The following RAB11FIP5 variants were observed in gnomAD, a reference collection of about 807,000 sequenced individuals.
RAB11FIP5 encodes RAB11 family interacting protein 5.
A neutral mutation model predicts 85.1 loss-of-function variants in RAB11FIP5; 48 were observed. The ratio of observed to expected loss-of-function variants is 0.56; its 90% CI spans 0.45 to 0.72. The LOEUF (loss-of-function observed/expected upper bound fraction) is 0.72. RAB11FIP5 is among the 30% of genes least tolerant of loss of function. The probability of loss-of-function intolerance (pLI) is 0.00; values close to 1 mark genes in which losing one functional copy is unlikely to be tolerated. For missense variants in RAB11FIP5, 1,491 were observed against 1,687.0 expected (o/e 0.88, Z 2.04); for synonymous variants, 729 against 727.3 (o/e 1.00, Z -0.04).
chr2:73,100,245 G>A (rs146349304), intron 1 of RAB11FIP5, among the ~76,000 whole-genome samples: 111 of 152,164 alleles, frequency 7.3e-4, no homozygotes, highest in African/African-American at 2.4e-3. Flanking sequence ...TCCCTGCCCC[G>A]GATTTCTACC....
rs769807643 is a variant in RAB11FIP5 at position 73,112,588 on chromosome 2, G to C, written c.190C>G (p.His64Asp). 6.3e-7 allele frequency: 1 copy of C among 1,598,320 alleles called. No homozygotes were observed. The highest frequency in any genetic ancestry group is 8.5e-7 in the Non-Finnish European group (1 of 1,174,154). ...TCCTCACGCCACTCGGGGCAGCCGTGCGTCTTCTCCACCACCGACGTACTG... is the reference window on the plus strand; with the variant it reads ...TCCTCACGCCACTCGGGGCAGCCGTCCGTCTTCTCCACCACCGACGTACTG... ...KYSTSVVEKTHGCPEWREECS... is the reference protein window; with the variant it reads ...KYSTSVVEKTDGCPEWREECS... Residue 64 changes from histidine to aspartate, a missense_variant, in exon 1 of 6, where the codon CAC (histidine) becomes GAC (aspartate). By Grantham distance (81) the His-to-Asp change is moderately conservative. This residue lies in a region of RAB11FIP5 where 1,211 missense variants were observed against 1,338.0 expected (regional missense o/e 0.91). Coordinates refer to ENST00000486777, the MANE Select transcript of RAB11FIP5 (RefSeq NM_001371272.1).
At chr2:73,097,617 C>G (rs1684347195) in intron 1 of RAB11FIP5, among the ~76,000 whole-genome samples, 1 of 152,216 alleles carries the variant, frequency 6.6e-6, no homozygotes, top group Admixed American at 6.5e-5. Flanking sequence ...TCTACTGCTA[C>G]AAACCCATGG....
rs1446255718 is a variant in RAB11FIP5, at chr2:73,075,256, C to T, written c.*265G>A. 1 of 691,098 alleles carries T rather than the reference C, an allele frequency of 1.4e-6. No individual in the cohort carries two copies. Among genetic ancestry groups the T allele is most frequent in the East Asian group, 2.8e-5 (1 of 36,266 alleles). The allele number at this position is 691,098 out of a possible 1,614,324, so 42.8% of individuals were successfully genotyped here. ...GGGGAAGAGTTCCAATTCCCTGGGG[C>T]CCCCAAAGCTGAGGGATATGAAAAC... is the stretch of plus-strand genomic sequence containing the variant. On this transcript the variant is annotated 3_prime_UTR_variant, in exon 6 of 6. Coordinates refer to ENST00000486777, the MANE Select transcript of RAB11FIP5 (RefSeq NM_001371272.1). The surrounding 1 kb of genome is among the most constrained non-coding windows in gnomAD (Gnocchi z 4.6).
At chr2:73,093,690 G>A (rs1300830977) in intron 1 of RAB11FIP5, among the ~76,000 whole-genome samples, 1 of 152,208 alleles carries the variant, frequency 6.6e-6, no homozygotes, top group African/African-American at 2.4e-5. Flanking sequence ...GCTAAGGCAC[G>A]CCAAGCCTGG....
rs1684173646 is a variant in RAB11FIP5, at chr2:73,089,817, A to C, written c.432-502T>G. 6.6e-6 allele frequency among the ~76,000 whole-genome samples: 1 copy of C among 151,912 alleles called. No homozygotes were observed. Among genetic ancestry groups the C allele is most frequent in the Non-Finnish European group, 1.5e-5 (1 of 67,984 alleles). Reference sequence around the variant, plus strand: ...CCCAGCCACCGTGAGCCCAGGAAAGAACAGCTCACCCAGAGGCCCAGGGCC... The same window carrying C: ...CCCAGCCACCGTGAGCCCAGGAAAGCACAGCTCACCCAGAGGCCCAGGGCC... On this transcript the variant is annotated intron_variant, in intron 1 of 5. Coordinates refer to ENST00000486777, the MANE Select transcript of RAB11FIP5 (RefSeq NM_001371272.1). This position sits in a 1 kb window ranked among gnomAD's most constrained non-coding sequence, Gnocchi z 4.6.
chr2:73,080,178 G>C lies in RAB11FIP5; in HGVS notation c.3054C>G (p.Ile1018Met), dbSNP rs920730654. The change falls in exon 4 of 6, where the codon ATC (isoleucine) becomes ATG (methionine). Residue 1018 changes from isoleucine (I) to methionine (M), a missense_variant. Physicochemically the swap from Ile to Met is conservative, Grantham distance 10. Transcript: ENST00000486777. Reference protein sequence around the residue: ...SKSLALQSQHIWGTPEVGEGP... With the variant: ...SKSLALQSQHMWGTPEVGEGP... The stretch of plus-strand genomic sequence containing the variant: ...CTTCTCCAACCTCTGGAGTCCCCCA[G>C]ATGTGCTGACTCTGAAGAGCCAAGC... 2.8e-5 allele frequency: 35 copies of C among 1,232,144 alleles called. No homozygotes were observed. Among genetic ancestry groups the C allele is most frequent in the South Asian group, 4.1e-5 (1 of 24,322 alleles). 76.3% of individuals were successfully genotyped at this position (1,232,144 alleles called of 1,614,324 possible).
chr2:73,077,863 T>C (rs1046147391), intron 4 of RAB11FIP5, among the ~76,000 whole-genome samples: 1 of 152,340 alleles, frequency 6.6e-6, no homozygotes. Context: ...TACAAATCTA[T>C]GCTTACTTCA....
In RAB11FIP5 at chr2:73,076,165, G is replaced by A. The variant is rs765068010; in HGVS notation, c.3599C>T (p.Pro1200Leu). Residue 1200 changes from proline to leucine, a missense_variant, in exon 5 of 6, where the codon CCC becomes CTC. By Grantham distance (98) the Pro-to-Leu change is moderately conservative. Around this residue, in one of 3 missense-constraint regions of RAB11FIP5, gnomAD observed 232 missense variants for 259.1 expected, o/e 0.90. Coordinates refer to ENST00000486777, the MANE Select transcript of RAB11FIP5 (RefSeq NM_001371272.1). Reference protein sequence around the residue: ...QPSASPHPVKPLSAAPVEGSP... With the variant: ...QPSASPHPVKLLSAAPVEGSP... The stretch of plus-strand genomic sequence containing the variant: ...GCCCTCCACAGGGGCGGCACTGAGG[G>A]GCTTCACGGGGTGGGGACTGCAAAG... 6.2e-7 allele frequency: 1 copy of A among 1,610,236 alleles called. No individual in the cohort carries two copies. Among genetic ancestry groups the A allele is most frequent in the Non-Finnish European group, 8.5e-7 (1 of 1,177,130 alleles).
Position 73,097,225 on chromosome 2 carries a change from C to T in RAB11FIP5, c.432-7910G>A, listed in dbSNP as rs145589655. On this transcript the variant is annotated intron_variant, in intron 1 of 5. Transcript: ENST00000486777. ...GCTAATTTTGTATTTTTAGTAGAGACGGGGTTTTTCCATGTTGGTCACACT... is the reference window on the plus strand; with the variant it reads ...GCTAATTTTGTATTTTTAGTAGAGATGGGGTTTTTCCATGTTGGTCACACT... 4.4e-3 allele frequency among the ~76,000 whole-genome samples: 662 copies of T among 152,142 alleles called. 8 individuals are homozygous for T. Among genetic ancestry groups the T allele is most frequent in the African/African-American group, 0.014 (592 of 41,482 alleles).
Position 73,081,437 on chromosome 2 carries a change from A to G in RAB11FIP5, c.1795T>C (p.Phe599Leu). 8.1e-7 allele frequency: 1 copy of G among 1,232,856 alleles called. No homozygotes were observed. Among genetic ancestry groups the G allele is most frequent in the Non-Finnish European group, 1.0e-6 (1 of 988,310 alleles). 76.4% of individuals were successfully genotyped at this position (1,232,856 alleles called of 1,614,324 possible). Residue 599 changes from phenylalanine to leucine, a missense_variant, in exon 4 of 6, where the codon TTC (phenylalanine) becomes CTC (leucine). Coordinates refer to ENST00000486777, the MANE Select transcript of RAB11FIP5 (RefSeq NM_001371272.1). The surrounding 1 kb of genome is among the most constrained non-coding windows in gnomAD (Gnocchi z 4.2). Reference sequence around the variant, plus strand: ...GGGTTGCTCTGCAAAGAGGTGAGGAACGGGTTGGTAAGACCCAATAATCCA... The same window carrying G: ...GGGTTGCTCTGCAAAGAGGTGAGGAGCGGGTTGGTAAGACCCAATAATCCA... ...PPGLLGLTNP[F>L]LTSLQSNPFF...
chr2:73,089,236 T>G lies in RAB11FIP5; in HGVS notation c.511A>C (p.Asn171His), dbSNP rs1684158677. ...EIEVTIQFTR[N>H]NLSASMFDLS... The stretch of plus-strand genomic sequence containing the variant: ...TCAAACATACTGGCGCTCAGGTTGT[T>G]GCGCGTGAACTGGATGGTGACTTCA... The change falls in exon 2 of 6, where the codon AAC becomes CAC. Residue 171 changes from asparagine (N) to histidine (H), a missense_variant. Around this residue, in one of 3 missense-constraint regions of RAB11FIP5, gnomAD observed 1,211 missense variants for 1,338.0 expected, o/e 0.91. Coordinates refer to ENST00000486777, the MANE Select transcript of RAB11FIP5 (RefSeq NM_001371272.1). The surrounding 1 kb of genome is among the most constrained non-coding windows in gnomAD (Gnocchi z 4.6). The G allele has an allele frequency of 6.2e-6, 10 of 1,614,172 alleles. No homozygotes were observed. The highest frequency in any genetic ancestry group is 8.5e-6 in the Non-Finnish European group (10 of 1,180,030).
chr2:73,080,178 G>A lies in RAB11FIP5; in HGVS notation c.3054C>T (p.Ile1018=), dbSNP rs920730654. The A allele has an allele frequency of 1.1e-5, 13 of 1,232,144 alleles. No homozygotes were observed. The highest frequency in any genetic ancestry group is 9.3e-5 in the African/African-American group (6 of 64,388). 76.3% of individuals were successfully genotyped at this position (1,232,144 alleles called of 1,614,324 possible). A position where few individuals can be genotyped will look rare whatever the true frequency, so the allele number is the denominator to read the frequency against. ...CTTCTCCAACCTCTGGAGTCCCCCA[G>A]ATGTGCTGACTCTGAAGAGCCAAGC... The part of the protein sequence containing the change: ...SKSLALQSQH[I]WGTPEVGEGP... Residue 1018 remains isoleucine, a synonymous_variant, in exon 4 of 6, where the codon ATC becomes ATT. Coordinates refer to ENST00000486777, the MANE Select transcript of RAB11FIP5 (RefSeq NM_001371272.1).
chr2:73,096,526 A>C (rs1684323405), intron 1 of RAB11FIP5, among the ~76,000 whole-genome samples: 1 of 151,692 alleles, frequency 6.6e-6, no homozygotes, highest in Non-Finnish European at 1.5e-5. Context: ...CTGAGCCCCC[A>C]CTCATCATTT....
intron 1 of RAB11FIP5, among the ~76,000 whole-genome samples, chr2:73,110,694 G>C (rs998691650): frequency 6.6e-6 from 1 of 152,212 alleles, no homozygotes; most frequent in Non-Finnish European, 1.5e-5. Context: ...AGCTAAGGAA[G>C]ATCCAGAGGC....
chr2:73,112,780 C>A lies in RAB11FIP5; in HGVS notation c.-3G>T, dbSNP rs1315368590. The A allele has an allele frequency of 5.6e-6, 8 of 1,424,970 alleles. No homozygotes were observed. The highest frequency in any genetic ancestry group is 1.5e-5 in the South Asian group (1 of 65,338). 88.3% of individuals were successfully genotyped at this position (1,424,970 alleles called of 1,614,324 possible). ...TCCGCGCCCCGCACCAGGGCCATGG[C>A]GGAGAAGCGGGGGGCGAGGTCTGGC... is the stretch of plus-strand genomic sequence containing the variant. On this transcript the variant is annotated 5_prime_UTR_variant, in exon 1 of 6. Coordinates refer to ENST00000486777, the MANE Select transcript of RAB11FIP5 (RefSeq NM_001371272.1).
rs532465418 is a variant in RAB11FIP5, at chr2:73,103,720, G to A, written c.431+8627C>T. Among the ~76,000 whole-genome samples the A allele has an allele frequency of 3.3e-5, 5 of 152,280 alleles. No individual in the cohort carries two copies. In the South Asian group the frequency reaches 1.0e-3, roughly 32 times the overall value. The stretch of plus-strand genomic sequence containing the variant: ...GGCCAAACCACACAGAAAGATGTGG[G>A]TTTATTGTCTATCAAAGGCCTTTTA... On this transcript the variant is annotated intron_variant, in intron 1 of 5. Transcript: ENST00000486777.
At chr2:73,090,296 G>A (rs1028753111) in intron 1 of RAB11FIP5, among the ~76,000 whole-genome samples, 4 of 152,202 alleles carry the variant, frequency 2.6e-5, no homozygotes, top group Non-Finnish European at 5.9e-5. Context: ...AGGGTGGCTG[G>A]GGCCCGCCCT....
In RAB11FIP5 at chr2:73,088,442, A is replaced by C. The variant is rs1285070188; in HGVS notation, c.1176T>G (p.Arg392=). The C allele has an allele frequency of 1.9e-6, 3 of 1,613,754 alleles. No homozygotes were observed. The highest frequency in any genetic ancestry group is 2.5e-6 in the Non-Finnish European group (3 of 1,180,026). ...GCACTGCCTCTGAGCTGCTGTTGCT[A>C]CGACTGCCTCTGGGCCAGGTGTCAT... ...STDDTWPRGS[R]SNSSSEAVLG... Residue 392 remains arginine (R), a synonymous_variant, in exon 3 of 6, where the codon CGT becomes CGG. Transcript: ENST00000486777.
intron 3 of RAB11FIP5, among the ~76,000 whole-genome samples, chr2:73,085,011 G>A (rs983670806): frequency 1.3e-5 from 2 of 152,234 alleles, no homozygotes; most frequent in African/African-American, 2.4e-5. Context: ...TAAGTAGGGA[G>A]AACGTATCAT....
Sources: gnomAD v4.1 joint callset for allele counts (sites outside exome capture counted in the v4.1 genomes callset) on GRCh38, gnomAD v4.1.1 for gene constraint, gnomAD v4.1.1 regional missense constraint, Gnocchi (gnomAD v3.1) non-coding constraint, MANE v1.5 for transcripts, NCBI Gene and HGNC (gene_info 2026-07-23, HGNC 2026-07-21) for gene names.